DKK3: variants seen among roughly 807,000 people sequenced by gnomAD.
The protein encoded by DKK3 is dickkopf-related protein 3.
Under a neutral mutation model 33.2 loss-of-function variants are expected in DKK3, and 22 were observed. That is an observed-to-expected ratio of 0.66 (90% confidence interval 0.47 to 0.95). The LOEUF (loss-of-function observed/expected upper bound fraction) is 0.95, where lower values mean the gene tolerates loss of function less well. Ranked by LOEUF, DKK3 falls within the 40% of genes least tolerant of loss-of-function variation. DKK3 has a pLI of 0.00. For missense variants in DKK3, 398 were observed against 458.4 expected (o/e 0.87, Z 1.20); for synonymous variants, 194 against 188.8 (o/e 1.03, Z -0.23).
intron 1 of DKK3, among the ~76,000 whole-genome samples, chr11:12,004,459 T>TA (rs1183142350): frequency 6.6e-6 from 1 of 152,156 alleles, no homozygotes; most frequent in Non-Finnish European, 1.5e-5. Flanking sequence ...GGAAAGACTC[T>TA]AAGTAAGTCT....
intron 3 of DKK3, among the ~76,000 whole-genome samples, chr11:11,972,443 G>T (rs1009760012): frequency 3.3e-5 from 5 of 152,204 alleles, no homozygotes; most frequent in African/African-American, 1.2e-4. Flanking sequence ...TGTCAAACAG[G>T]TGGGAAGTGG....
chr11:11,984,184 C>A (rs1347350207), intron 3 of DKK3, among the ~76,000 whole-genome samples: 1 of 152,108 alleles, frequency 6.6e-6, no homozygotes, highest in African/African-American at 2.4e-5. Context: ...CTCAGTATAA[C>A]AGAGTTAGAT....
At chr11:11,992,013 T>A (rs571385645) in intron 3 of DKK3, among the ~76,000 whole-genome samples, 1 of 152,304 alleles carries the variant, frequency 6.6e-6, no homozygotes, top group Admixed American at 6.5e-5. Flanking sequence ...TGGATGCTTC[T>A]CCGATGTTAG....
At chr11:12,006,450 G>A (rs1848537789) in intron 1 of DKK3, among the ~76,000 whole-genome samples, 1 of 152,240 alleles carries the variant, frequency 6.6e-6, no homozygotes, top group Admixed American at 6.5e-5. Context: ...GACTGGATGA[G>A]GGAAGATCAG....
chr11:11,997,042 A>G (rs2135093122), intron 3 of DKK3, among the ~76,000 whole-genome samples: 1 of 152,308 alleles, frequency 6.6e-6, no homozygotes, highest in East Asian at 1.9e-4. Context: ...CAGAGTCTCA[A>G]TTCCCCTGAC....
intron 3 of DKK3, among the ~76,000 whole-genome samples, chr11:11,970,849 C>G (rs1262175503): frequency 6.6e-6 from 1 of 152,208 alleles, no homozygotes; most frequent in Non-Finnish European, 1.5e-5. Context: ...TTGCTTTTAG[C>G]CCAGTGGGAC....
At chr11:12,004,284 C>T (rs1490590126) in intron 1 of DKK3, among the ~76,000 whole-genome samples, 1 of 152,150 alleles carries the variant, frequency 6.6e-6, no homozygotes, top group African/African-American at 2.4e-5. Flanking sequence ...CCCTCTGATC[C>T]CCAGTTAAGA....
intron 5 of DKK3, 109 bp from the exon 6 acceptor site, chr11:11,966,074 A>G: frequency 7.6e-7 from 1 of 1,322,326 alleles, no homozygotes; most frequent in Non-Finnish European, 1.0e-6. Flanking sequence ...CCTCAACCCC[A>G]AAGTGCAGGC....
At chr11:11,979,333 G>A (rs949611567) in intron 3 of DKK3, among the ~76,000 whole-genome samples, 4 of 152,200 alleles carry the variant, frequency 2.6e-5, no homozygotes, top group African/African-American at 7.2e-5. Flanking sequence ...CAAACCCCGC[G>A]GGACCTACAG....
chr11:11,969,094 C>G (rs1315599580), intron 3 of DKK3, among the ~76,000 whole-genome samples: 2 of 152,176 alleles, frequency 1.3e-5, no homozygotes, highest in African/African-American at 4.8e-5. Flanking sequence ...GCTGTCTCCT[C>G]ATGGCTGCCA....
At chr11:11,994,073 C>T (rs570052447) in intron 3 of DKK3, among the ~76,000 whole-genome samples, 8 of 152,278 alleles carry the variant, frequency 5.3e-5, no homozygotes, top group Non-Finnish European at 7.3e-5. Context: ...GAGAGCGAGG[C>T]AGGCTGCTGC....
chr11:11,966,997 G>A lies in DKK3; in HGVS notation c.630C>T (p.Asn210=). 1 of 1,614,086 alleles carries A rather than the reference G, an allele frequency of 6.2e-7. No individual in the cohort carries two copies. Among genetic ancestry groups the A allele is most frequent in the South Asian group, 1.1e-5 (1 of 91,068 alleles). The change falls in exon 5 of 7, where the codon AAC becomes AAT. Residue 210 remains asparagine (N), a synonymous_variant. Coordinates refer to ENST00000683431, the MANE Select transcript of DKK3 (RefSeq NM_001018057.2). ...ACAGCCCCGGCTGGCAGTCCCTCTG[G>A]TTGTCACAGATGGTCCCATTGCTGC... ...TRGSNGTICD[N]QRDCQPGLCC...
At chr11:11,990,282 C>T (rs1848160843) in intron 3 of DKK3, among the ~76,000 whole-genome samples, 1 of 152,232 alleles carries the variant, frequency 6.6e-6, no homozygotes, top group Admixed American at 6.5e-5. Context: ...ACACCATCAA[C>T]CTAATGAGAG....
intron 3 of DKK3, among the ~76,000 whole-genome samples, chr11:11,989,389 A>T (rs1257357388): frequency 6.6e-6 from 1 of 152,324 alleles, no homozygotes; most frequent in East Asian, 1.9e-4. Flanking sequence ...TACACAAACC[A>T]TGTATTATCA....
At chr11:11,986,504 G>A (rs893711761) in intron 3 of DKK3, among the ~76,000 whole-genome samples, 12 of 152,038 alleles carry the variant, frequency 7.9e-5, no homozygotes, top group Admixed American at 5.9e-4. Context: ...CCCTGGGAGA[G>A]GAAAACCATA....
chr11:11,998,478 T>C (rs1848347022), intron 3 of DKK3: 2 of 615,404 alleles, frequency 3.2e-6, no homozygotes, highest in African/African-American at 3.7e-5. Context: ...CAATTTAATT[T>C]ATCTGTTGTT....
At chr11:12,009,510 A>T (rs1259552016), upstream of DKK3, 5 of 935,932 alleles carry the variant, frequency 5.3e-6, no homozygotes, top group Non-Finnish European at 6.4e-6. Context: ...GACCAGCTCT[A>T]CCGAAGGCAG....
chr11:11,966,275 G>T (rs1208641048), intron 5 of DKK3, among the ~76,000 whole-genome samples: 2 of 152,200 alleles, frequency 1.3e-5, no homozygotes, highest in Admixed American at 6.5e-5. Context: ...ACCAGCAAAG[G>T]CCTGGGGTTG....
At chr11:11,979,419 G>A (rs1411698325) in intron 3 of DKK3, among the ~76,000 whole-genome samples, 1 of 152,208 alleles carries the variant, frequency 6.6e-6, no homozygotes, top group Admixed American at 6.5e-5. Flanking sequence ...AAATGCTTCC[G>A]GTCACAGGCG....
Sources: gnomAD v4.1 joint callset for allele counts (sites outside exome capture counted in the v4.1 genomes callset) on GRCh38, gnomAD v4.1.1 for gene constraint, MANE v1.5 for transcripts, NCBI Gene and HGNC (gene_info 2026-07-23, HGNC 2026-07-21) for gene names.